Variants in PSMG2 observed in about 807,000 individuals in gnomAD.
PSMG2 encodes the protein proteasome assembly chaperone 2, also known as CD40 ligand-activated specific transcript 3.
A neutral mutation model predicts 31.5 loss-of-function variants in PSMG2; 21 were observed. That is an observed-to-expected ratio of 0.67 (90% CI 0.47 to 0.96). The LOEUF (loss-of-function observed/expected upper bound fraction) is 0.96, where lower values mean the gene tolerates loss of function less well. Ranked by LOEUF, PSMG2 falls within the 40% of genes least tolerant of loss-of-function variation. The pLI, the probability that PSMG2 is intolerant of heterozygous loss-of-function variation, is 0.00. For missense variants in PSMG2, 318 were observed against 321.2 expected, an observed-to-expected ratio of 0.99 and a Z score of 0.08; for synonymous variants, 120 against 110.4, an observed-to-expected ratio of 1.09 and a Z score of -0.54.
At chr18:12,702,911 C>G (rs2040207517), upstream of PSMG2, 1 of 614,268 alleles carries the variant, frequency 1.6e-6, no homozygotes, top group Admixed American at 3.4e-5. Context: ...GCTGGCCCCT[C>G]TTCGCGGCCA....
chr18:12,696,474 G>C (rs542939853), intron 1 of PSMG2, among the ~76,000 whole-genome samples: 1 of 152,026 alleles, frequency 6.6e-6, no homozygotes, highest in Admixed American at 6.6e-5. Context: ...CTGCACTCCA[G>C]CCTGGTGACA....
Position 12,720,544 on chromosome 18 carries a change from C to CAAAATAAAATAGTTCAAA in PSMG2, c.446_447insTAAAATAGTTCAAAAAAA (p.Gln148_Lys149insAsnLysIleValGlnLys), listed in dbSNP as rs2040421339. 6.2e-7 allele frequency: 1 copy of CAAAATAAAATAGTTCAAA among 1,610,676 alleles called. No homozygotes were observed. The highest frequency in any genetic ancestry group is 8.5e-7 in the Non-Finnish European group (1 of 1,178,760). On this transcript the variant is annotated inframe_insertion, in exon 5 of 7. Coordinates refer to ENST00000317615, the MANE Select transcript of PSMG2 (RefSeq NM_020232.5). The stretch of plus-strand genomic sequence containing the variant: ...CCGGTACCTACTTACACCTTCCATG[C>CAAAATAAAATAGTTCAAA]AAAAAAGTGTTCAAAATAAAATAAA...
intron 1 of PSMG2, among the ~76,000 whole-genome samples, chr18:12,677,009 AAC>A (rs1029719153): frequency 6.6e-6 from 1 of 152,332 alleles, no homozygotes; most frequent in African/African-American, 2.4e-5. Context: ...TGTTACAAAC[AAC>A]TTTTCCCACC....
chr18:12,658,840 G>C, intron 1 of PSMG2: 1 of 319,590 alleles, frequency 3.1e-6, no homozygotes, highest in South Asian at 2.4e-5. Flanking sequence ...AGCTAAACCA[G>C]CGCCTGGAAT....
chr18:12,702,849 C>G, upstream of PSMG2: 2 of 569,832 alleles, frequency 3.5e-6, no homozygotes, highest in East Asian at 6.4e-5. Flanking sequence ...CCCCGCACCC[C>G]GAGACCTCAG....
intron 1 of PSMG2, among the ~76,000 whole-genome samples, chr18:12,664,417 G>A (rs1466224874): frequency 6.6e-6 from 1 of 151,846 alleles, no homozygotes; most frequent in African/African-American, 2.4e-5. Flanking sequence ...GGGCATGGTG[G>A]CATGTGCCTG....
At chr18:12,675,858 G>A (rs541886253) in intron 1 of PSMG2, among the ~76,000 whole-genome samples, 5 of 151,564 alleles carry the variant, frequency 3.3e-5, no homozygotes, top group Admixed American at 6.6e-5. Context: ...TAGTAGAGAC[G>A]GGCTTTCACC....
intron 5 of PSMG2, among the ~76,000 whole-genome samples, chr18:12,722,250 G>A (rs2145152484): frequency 6.6e-6 from 1 of 152,330 alleles, no homozygotes; most frequent in South Asian, 2.1e-4. Flanking sequence ...TGAAACAACT[G>A]TTTTCCAGAC....
At chr18:12,695,227 A>G in intron 1 of PSMG2, 1 of 1,067,994 alleles carries the variant, frequency 9.4e-7, no homozygotes, top group Non-Finnish European at 1.4e-6. Flanking sequence ...CAAACACACA[A>G]AAAAAGAGAA....
In PSMG2 at chr18:12,724,556, C is replaced by T. The variant is rs1181460778; in HGVS notation, c.639C>T (p.Asn213=). Residue 213 remains asparagine, a synonymous_variant, in exon 6 of 7, where the codon AAC becomes AAT. Transcript: ENST00000317615. ...TGAAATTTGTTTCAGAAGGGGACAA[C>T]ATCCCAGATGCATTAGGTCTTGTTG... is the stretch of plus-strand genomic sequence containing the variant. ...VLLKFVSEGD[N]IPDALGLVEY... 2.5e-6 allele frequency: 4 copies of T among 1,610,762 alleles called. No homozygotes were observed. Among genetic ancestry groups the T allele is most frequent in the Non-Finnish European group, 2.5e-6 (3 of 1,178,668 alleles).
At chr18:12,712,113 T>C (rs9955985) in intron 2 of PSMG2, among the ~76,000 whole-genome samples, 59,418 of 151,986 alleles carry the variant, frequency 0.39, 12,016 homozygotes, top group Non-Finnish European at 0.45. Context: ...TTCTAGAGTG[T>C]GCCCCTTGTA....
At chr18:12,667,697 G>T (rs1376524538) in intron 1 of PSMG2, among the ~76,000 whole-genome samples, 1 of 150,516 alleles carries the variant, frequency 6.6e-6, no homozygotes, top group Admixed American at 6.7e-5. Context: ...GGAGGCAGAG[G>T]TTGCAGTGAA....
At chr18:12,721,402 A>G (rs542816462) in intron 5 of PSMG2, among the ~76,000 whole-genome samples, 1 of 152,278 alleles carries the variant, frequency 6.6e-6, no homozygotes, top group South Asian at 2.1e-4. Context: ...CAAAATTTAC[A>G]TTTATCACAC....
chr18:12,703,646 G>C (rs2040226428), intron 1 of PSMG2, among the ~76,000 whole-genome samples: 1 of 152,154 alleles, frequency 6.6e-6, no homozygotes, highest in Admixed American at 6.5e-5. Context: ...GCGAGTATTA[G>C]AATAAGACTA....
intron 1 of PSMG2, among the ~76,000 whole-genome samples, chr18:12,692,776 A>G (rs1324381688): frequency 2.0e-5 from 3 of 152,220 alleles, no homozygotes; most frequent in Non-Finnish European, 4.4e-5. Context: ...TGTCTAGAAC[A>G]GTGTCTAGCA....
At chr18:12,669,565 A>G (rs2038887084) in intron 1 of PSMG2, among the ~76,000 whole-genome samples, 1 of 152,200 alleles carries the variant, frequency 6.6e-6, no homozygotes, top group Non-Finnish European at 1.5e-5. Flanking sequence ...ATAAAACTAC[A>G]TATATATAAT....
chr18:12,676,723 C>T (rs2039148671), intron 1 of PSMG2, among the ~76,000 whole-genome samples: 2 of 152,182 alleles, frequency 1.3e-5, no homozygotes, highest in African/African-American at 2.4e-5. Context: ...CCCTGACCAA[C>T]TTTTGCTGAA....
chr18:12,725,436 C>A lies in PSMG2; in HGVS notation c.703-3C>A. ...ATTAAAATATTTTGTTCTTCAATTA[C>A]AGAGCGATGACCCCACAGTATCTGC... On this transcript the variant is annotated splice_region_variant and splice_polypyrimidine_tract_variant and intron_variant, in intron 6 of 6. Transcript: ENST00000317615. The A allele has an allele frequency of 6.4e-7, 1 of 1,567,058 alleles. No homozygotes were observed. Among genetic ancestry groups the A allele is most frequent in the Non-Finnish European group, 8.8e-7 (1 of 1,142,710 alleles).
intron 1 of PSMG2, among the ~76,000 whole-genome samples, chr18:12,669,186 C>G (rs993992815): frequency 2.6e-5 from 4 of 151,072 alleles, no homozygotes; most frequent in Admixed American, 2.6e-4. Flanking sequence ...GATCTCAGCT[C>G]ACGGCAACCT....
Sources: allele counts gnomAD v4.1 joint callset (sites outside exome capture counted in the v4.1 genomes callset), GRCh38; gene constraint gnomAD v4.1.1; transcripts MANE v1.5; gene names NCBI Gene and HGNC (gene_info 2026-07-23, HGNC 2026-07-21).